Variants in C9 observed in about 807,000 individuals in gnomAD.
C9 encodes complement C9.
C9 carries 63 observed loss-of-function variants against 65.4 expected under a neutral mutation model. That is an observed-to-expected ratio of 0.96 (90% CI 0.79 to 1.19). The LOEUF is 1.19. Among genes scored for constraint, C9 ranks in the 50% most tolerant of loss-of-function variants. The pLI is 0.00. For missense variants in C9, 744 were observed against 670.1 expected (o/e 1.11, Z -1.22); for synonymous variants, 229 against 227.9 (o/e 1.00, Z -0.04).
At chr5:39,337,030 G>A (rs1252313015) in intron 4 of C9, among the ~76,000 whole-genome samples, 2 of 152,020 alleles carry the variant, frequency 1.3e-5, no homozygotes, top group East Asian at 3.9e-4. Context: ...GATGGGTGAG[G>A]AGTATACTCT....
Position 39,306,162 on chromosome 5 carries a change from CAAAAA to C in C9, c.1416+450_1416+454del, listed in dbSNP as rs541310785. Among the ~76,000 whole-genome samples the C allele has an allele frequency of 2.6e-4, 27 of 101,942 alleles. No individual in the cohort carries two copies. The East Asian group carries it at 3.5e-3, about 13-fold the overall frequency. 66.9% of individuals were successfully genotyped at this position (101,942 alleles called of 152,430 possible). ...TGGGTGACACAGTGAGACTCTGTCT[CAAAAA>C]AAAAAAAAAAAAAAAAGACACTTAG... is the stretch of plus-strand genomic sequence containing the variant. On this transcript the variant is annotated intron_variant, in intron 9 of 10. Transcript: ENST00000263408.
chr5:39,325,264 C>A (rs74677269), intron 5 of C9, among the ~76,000 whole-genome samples: 3,069 of 152,266 alleles, frequency 0.02, 44 homozygotes, highest in Non-Finnish European at 0.03. Context: ...CTGCCAGAAC[C>A]ATCTAGCCAA....
intron 1 of C9, among the ~76,000 whole-genome samples, chr5:39,344,198 G>A (rs1260083085): frequency 6.6e-6 from 1 of 152,260 alleles, no homozygotes; most frequent in Non-Finnish European, 1.5e-5. Flanking sequence ...GATGAGAGAA[G>A]AAGGCTACAG....
intron 1 of C9, among the ~76,000 whole-genome samples, chr5:39,352,115 C>T (rs1025015269): frequency 2.0e-5 from 3 of 152,258 alleles, no homozygotes; most frequent in Admixed American, 1.3e-4. Flanking sequence ...CACATAGTGG[C>T]AGGAGACAGA....
Position 39,341,291 on chromosome 5 carries a change from T to C in C9, c.331A>G (p.Arg111Gly). 1 of 1,614,136 alleles carries C rather than the reference T, an allele frequency of 6.2e-7. No homozygotes were observed. Among genetic ancestry groups the C allele is most frequent in the Non-Finnish European group, 8.5e-7 (1 of 1,179,952 alleles). Residue 111 changes from arginine to glycine, a missense_variant and splice_region_variant, in exon 4 of 11, where the codon AGA becomes GGA. Transcript: ENST00000263408. Reference sequence around the variant, plus strand: ...CACCGAAGTCGCATCTTTATGCATCTGCCTGCAATCAAAATCAGGAGAGAC... The same window carrying C: ...CACCGAAGTCGCATCTTTATGCATCCGCCTGCAATCAAAATCAGGAGAGAC... ...CGNDFQCSTG[R>G]CIKMRLRCNG...
chr5:39,300,889 G>A (rs938686189), intron 9 of C9, among the ~76,000 whole-genome samples: 1 of 151,914 alleles, frequency 6.6e-6, no homozygotes, highest in Non-Finnish European at 1.5e-5. Context: ...TTATTTCACT[G>A]GCTAGGACTC....
chr5:39,292,031 G>A (rs984305622), intron 9 of C9, among the ~76,000 whole-genome samples: 1 of 151,646 alleles, frequency 6.6e-6, no homozygotes, highest in Non-Finnish European at 1.5e-5. Flanking sequence ...TTGAGAGGGG[G>A]AGAGAAAGAG....
chr5:39,285,331 C>A, intron 10 of C9, 98 bp from the exon 11 acceptor site: 1 of 879,944 alleles, frequency 1.1e-6, no homozygotes, highest in Non-Finnish European at 1.9e-6. Flanking sequence ...TCCTCTTGCA[C>A]CACGTTGTGC....
intron 5 of C9, among the ~76,000 whole-genome samples, chr5:39,331,211 A>G (rs1012059725): frequency 1.3e-5 from 2 of 152,180 alleles, no homozygotes; most frequent in Admixed American, 6.5e-5. Context: ...ATTTTTATAA[A>G]TCATTTTCAA....
At chr5:39,315,103 G>A (rs527516121) in intron 6 of C9, among the ~76,000 whole-genome samples, 1 of 152,172 alleles carries the variant, frequency 6.6e-6, no homozygotes, top group African/African-American at 2.4e-5. Flanking sequence ...CAATTACATA[G>A]TTAGGCATCA....
chr5:39,318,539 C>G (rs989751350), intron 5 of C9, among the ~76,000 whole-genome samples: 7 of 151,382 alleles, frequency 4.6e-5, no homozygotes, highest in African/African-American at 1.5e-4. Context: ...TCCTTCAACA[C>G]TAAAATTTCA....
chr5:39,330,989 C>A (rs765603031), intron 5 of C9, among the ~76,000 whole-genome samples: 17 of 152,144 alleles, frequency 1.1e-4, no homozygotes, highest in Non-Finnish European at 2.4e-4. Context: ...AATGGGACCA[C>A]TTTAAGAAAC....
At chr5:39,313,703 T>A (rs986366727) in intron 6 of C9, among the ~76,000 whole-genome samples, 1 of 152,204 alleles carries the variant, frequency 6.6e-6, no homozygotes, top group Non-Finnish European at 1.5e-5. Context: ...AAGTTTGGTA[T>A]TTGATTGTAT....
chr5:39,352,017 G>C (rs1243999208), intron 1 of C9, among the ~76,000 whole-genome samples: 1 of 152,174 alleles, frequency 6.6e-6, no homozygotes, highest in Non-Finnish European at 1.5e-5. Context: ...TTGACACAGA[G>C]TTCCACAGAT....
At position 39,331,802 on chromosome 5, in the gene C9, T is replaced by C. The variant is rs374232933; in HGVS notation, c.489A>G (p.Leu163=). The C allele has an allele frequency of 1.5e-5, 25 of 1,613,392 alleles. No homozygotes were observed. The Middle Eastern group carries it at 6.6e-4, about 42-fold the overall frequency. The change falls in exon 5 of 11, where the codon TTA becomes TTG. Residue 163 remains leucine, a synonymous_variant. Coordinates refer to ENST00000263408, the MANE Select transcript of C9 (RefSeq NM_001737.5). ...AAGGTGTGCTTAGGGGATCCATCCC[T>C]AAAATGTTGATCCTGAGAATGAACA... ...ARTAGYGINI[L]GMDPLSTPFD...
At chr5:39,323,449 A>G (rs1033323047) in intron 5 of C9, among the ~76,000 whole-genome samples, 1 of 151,244 alleles carries the variant, frequency 6.6e-6, no homozygotes, top group Admixed American at 6.6e-5. Context: ...ATTCAGAAAT[A>G]TATTAAAATG....
At chr5:39,325,831 CT>C (rs1012094453) in intron 5 of C9, among the ~76,000 whole-genome samples, 11 of 150,620 alleles carry the variant, frequency 7.3e-5, no homozygotes, top group African/African-American at 1.2e-4. Context: ...ACCTAGATCT[CT>C]TTTTACAATT....
intron 1 of C9, among the ~76,000 whole-genome samples, chr5:39,352,238 C>A (rs372433552): frequency 6.6e-6 from 1 of 152,304 alleles, no homozygotes; most frequent in African/African-American, 2.4e-5. Context: ...TTTCACTATG[C>A]CTGTCCTTCA....
rs531405652 is a variant in C9, at chr5:39,301,408, G to C, written c.1416+5209C>G. On this transcript the variant is annotated intron_variant, in intron 9 of 10. Coordinates refer to ENST00000263408, the MANE Select transcript of C9 (RefSeq NM_001737.5). ...GGATCCTGAAACAGGAAAAAAAAAAGGTTAAGGGAAAAACTTGTGAAATTT... is the reference window on the plus strand; with the variant it reads ...GGATCCTGAAACAGGAAAAAAAAAACGTTAAGGGAAAAACTTGTGAAATTT... 9.9e-5 allele frequency among the ~76,000 whole-genome samples: 15 copies of C among 151,980 alleles called. No individual in the cohort carries two copies. The South Asian group carries it at 3.1e-3, about 32-fold the overall frequency.
Sources: gnomAD v4.1 joint callset for allele counts (sites outside exome capture counted in the v4.1 genomes callset) on GRCh38, gnomAD v4.1.1 for gene constraint, MANE v1.5 for transcripts, NCBI Gene and HGNC (gene_info 2026-07-23, HGNC 2026-07-21) for gene names.